SLC37A3: variants seen among roughly 807,000 people sequenced by gnomAD.
The protein encoded by SLC37A3 is sugar phosphate exchanger 3.
Under a neutral mutation model 67.1 loss-of-function variants are expected in SLC37A3, and 51 were observed. The ratio of observed to expected loss-of-function variants is 0.76; its 90% CI spans 0.61 to 0.96. The LOEUF is 0.96. Among genes scored for constraint, SLC37A3 ranks in the 40% least tolerant of loss-of-function variants. SLC37A3 has a pLI of 0.00. For synonymous variants in SLC37A3, 214 were observed against 231.4 expected, an observed-to-expected ratio of 0.92 and a Z score of 0.68; for missense variants, 508 against 603.0, an observed-to-expected ratio of 0.84 and a Z score of 1.65.
chr7:140,371,858 T>TA lies in SLC37A3; in HGVS notation c.199-2177_199-2176insT, dbSNP rs533791612. ...AGATCTGAGTTAGTTTACAGAACTTTTTTTTTTTTTGGAGACGGAGTCTCG... is the reference window on the plus strand; with the variant it reads ...AGATCTGAGTTAGTTTACAGAACTTTATTTTTTTTTTGGAGACGGAGTCTCG... On this transcript the variant is annotated intron_variant, in intron 3 of 14. Coordinates refer to ENST00000326232, the MANE Select transcript of SLC37A3 (RefSeq NM_207113.3). 5.0e-3 allele frequency among the ~76,000 whole-genome samples: 767 copies of TA among 151,912 alleles called. 4 individuals are homozygous for TA. Among genetic ancestry groups the TA allele is most frequent in the African/African-American group, 0.017 (714 of 41,492 alleles).
chr7:140,387,795 T>TATATACTATATATAATATAA (rs1798546777), intron 1 of SLC37A3, among the ~76,000 whole-genome samples: 1 of 66,304 alleles, frequency 1.5e-5, no homozygotes, highest in East Asian at 4.8e-4. Flanking sequence ...AAATATATTA[T>TATATACTATATATAATATAA]ATATATTATA....
In SLC37A3 at chr7:140,365,367, T is replaced by C. The variant is rs530881009; in HGVS notation, c.292-876A>G. ...CCTAGCACTTTGGGAGCGGGGAGAA[T>C]TGCTTGAGGCCAATAGTTCAAGACC... On this transcript the variant is annotated intron_variant, in intron 4 of 14. Transcript: ENST00000326232. Among the ~76,000 whole-genome samples the C allele has an allele frequency of 2.6e-5, 4 of 151,730 alleles. No homozygotes were observed. In the East Asian group the frequency reaches 7.8e-4, roughly 29 times the overall value.
intron 13 of SLC37A3, among the ~76,000 whole-genome samples, chr7:140,340,707 T>C (rs1319887310): frequency 6.6e-6 from 1 of 151,374 alleles, no homozygotes; most frequent in African/African-American, 2.4e-5. Context: ...GGCAGGAGGA[T>C]CACTTGAGCC....
In SLC37A3 at chr7:140,345,946, G is replaced by A. The variant is rs764961817; in HGVS notation, c.1049C>T (p.Ser350Phe). The change falls in exon 11 of 15, where the codon TCT becomes TTT. Residue 350 changes from serine to phenylalanine, a missense_variant. Physicochemically the swap from Ser to Phe is radical, Grantham distance 155. Coordinates refer to ENST00000326232, the MANE Select transcript of SLC37A3 (RefSeq NM_207113.3). Reference sequence around the variant, plus strand: ...CGGCGCTCTCTTCTGTAGTACATCAGAGATGAAGCCTTGCAAAGTTCCACC... The same window carrying A: ...CGGCGCTCTCTTCTGTAGTACATCAAAGATGAAGCCTTGCAAAGTTCCACC... ...IIGGTLQGFI[S>F]DVLQKRAPVL... 4.3e-6 allele frequency: 7 copies of A among 1,613,752 alleles called. No individual in the cohort carries two copies. In the African/African-American group the frequency reaches 5.3e-5, roughly 12 times the overall value.
At position 140,335,139 on chromosome 7, in the gene SLC37A3, G is replaced by A. The variant is rs1317596251; in HGVS notation, c.*273C>T. The A allele has an allele frequency of 1.5e-6, 2 of 1,291,972 alleles. No homozygotes were observed. The highest frequency in any genetic ancestry group is 2.4e-5 in the Admixed American group (1 of 41,832). The allele number at this position is 1,291,972 out of a possible 1,614,324, so 80.0% of individuals were successfully genotyped here. ...CTCAATAGGCCAAACAAAGACGCGG[G>A]CAGAGTCAGAGGTCAAAGATGCTGG... On this transcript the variant is annotated 3_prime_UTR_variant, in exon 15 of 15. Coordinates refer to ENST00000326232, the MANE Select transcript of SLC37A3 (RefSeq NM_207113.3).
intron 5 of SLC37A3, among the ~76,000 whole-genome samples, chr7:140,360,982 T>C (rs1797244305): frequency 6.6e-6 from 1 of 152,024 alleles, no homozygotes; most frequent in Non-Finnish European, 1.5e-5. Flanking sequence ...AAAGCAAGAC[T>C]GAACCAGAAA....
chr7:140,366,469 T>G (rs1454994756), intron 4 of SLC37A3, among the ~76,000 whole-genome samples: 2 of 142,046 alleles, frequency 1.4e-5, no homozygotes, highest in African/African-American at 2.5e-5. Context: ...CAGAAGGAAG[T>G]GCAGCTCAAG....
At chr7:140,358,565 G>T in intron 6 of SLC37A3, 75 bp downstream of exon 6, 2 of 1,592,920 alleles carry the variant, frequency 1.3e-6, no homozygotes, top group South Asian at 2.2e-5. Flanking sequence ...CAAAGTAACT[G>T]ACTTTGACAA....
In SLC37A3 at chr7:140,358,784, A is replaced by C. The variant is rs1289971562; in HGVS notation, c.377T>G (p.Val126Gly). 1 of 1,613,944 alleles carries C rather than the reference A, an allele frequency of 6.2e-7. No individual in the cohort carries two copies. The highest frequency in any genetic ancestry group is 8.5e-7 in the Non-Finnish European group (1 of 1,179,982). The change falls in exon 6 of 15, where the codon GTG becomes GGG. Residue 126 changes from valine (V) to glycine (G), a missense_variant and splice_region_variant. Physicochemically the swap from Val to Gly is moderately radical, Grantham distance 109. Transcript: ENST00000326232. ...SFGMCSSALV[V>G]FVFGALTEWL... ...TTCTGTGAGCGCACCAAAGACAAACACCTTGAAGAGGAGGAAACAAAAGGA... is the reference window on the plus strand; with the variant it reads ...TTCTGTGAGCGCACCAAAGACAAACCCCTTGAAGAGGAGGAAACAAAAGGA...
chr7:140,393,553 T>A (rs1292997384), intron 1 of SLC37A3, among the ~76,000 whole-genome samples: 1 of 152,178 alleles, frequency 6.6e-6, no homozygotes. Context: ...TGCTTCGGGC[T>A]TTGTGTTTGT....
chr7:140,335,410 G>A lies in SLC37A3; in HGVS notation c.*2C>T, dbSNP rs144151206. 170 of 1,613,964 alleles carry A rather than the reference G, an allele frequency of 1.1e-4. No homozygotes were observed. The African/African-American group carries it at 1.1e-3, about 11-fold the overall frequency. On this transcript the variant is annotated 3_prime_UTR_variant, in exon 15 of 15. Coordinates refer to ENST00000326232, the MANE Select transcript of SLC37A3 (RefSeq NM_207113.3). ...TTGTTCTTTCTGTCTCGCGGGCACC[G>A]GTCACTCCCTCAATATGTGAGCCTG...
chr7:140,355,591 ATTTAATACAT>A, intron 7 of SLC37A3, 67 bp downstream of exon 7: 1 of 1,261,500 alleles, frequency 7.9e-7, no homozygotes, highest in South Asian at 1.2e-5. Flanking sequence ...CCACAGTATT[ATTTAATACAT>A]AAAAAGCAAT....
intron 1 of SLC37A3, among the ~76,000 whole-genome samples, chr7:140,395,462 C>T (rs1401938929): frequency 6.7e-6 from 1 of 148,810 alleles, no homozygotes; most frequent in African/African-American, 2.5e-5. Flanking sequence ...AATCCCAGCA[C>T]TTTGGGAGGC....
At chr7:140,389,408 A>G (rs1424415516) in intron 1 of SLC37A3, among the ~76,000 whole-genome samples, 1 of 152,094 alleles carries the variant, frequency 6.6e-6, no homozygotes, top group Non-Finnish European at 1.5e-5. Context: ...AGACAGAGAG[A>G]AAGACTCACT....
At chr7:140,357,601 C>T (rs1797084290) in intron 6 of SLC37A3, among the ~76,000 whole-genome samples, 1 of 150,048 alleles carries the variant, frequency 6.7e-6, no homozygotes, top group East Asian at 2.0e-4. Flanking sequence ...AAAAAGAGTA[C>T]ATACTGTATG....
chr7:140,342,362 T>A (rs186069742), intron 13 of SLC37A3, among the ~76,000 whole-genome samples: 9 of 152,264 alleles, frequency 5.9e-5, no homozygotes, highest in Non-Finnish European at 1.3e-4. Context: ...CAGTTCTCTT[T>A]CTCCTGACCT....
At chr7:140,338,039 T>C (rs1424453316) in intron 13 of SLC37A3, among the ~76,000 whole-genome samples, 1 of 151,804 alleles carries the variant, frequency 6.6e-6, no homozygotes, top group African/African-American at 2.4e-5. Context: ...TACAGGCGCC[T>C]GCCACCTCAC....
At chr7:140,349,210 G>A (rs780481085) in intron 9 of SLC37A3, among the ~76,000 whole-genome samples, 176 of 152,300 alleles carry the variant, frequency 1.2e-3, no homozygotes, top group Middle Eastern at 3.4e-3. Flanking sequence ...GCAGCCAAAC[G>A]GGGTTGGTTA....
At chr7:140,368,683 C>T (rs1448713902) in intron 4 of SLC37A3, among the ~76,000 whole-genome samples, 1 of 152,178 alleles carries the variant, frequency 6.6e-6, no homozygotes, top group African/African-American at 2.4e-5. Context: ...AGTGTCTGCT[C>T]TTCATCATCT....
Sources: gnomAD v4.1 joint callset for allele counts (sites outside exome capture counted in the v4.1 genomes callset) on GRCh38, gnomAD v4.1.1 for gene constraint, MANE v1.5 for transcripts, NCBI Gene and HGNC (gene_info 2026-07-23, HGNC 2026-07-21) for gene names.